Variants in MID1 observed in about 807,000 individuals in gnomAD.
The protein encoded by MID1 is midline 1, also known as E3 ubiquitin-protein ligase Midline-1.
In MID1, 7 loss-of-function variants were observed where a neutral mutation model predicts 40.4. That is an observed-to-expected ratio of 0.17 (90% confidence interval 0.10 to 0.33). The LOEUF (loss-of-function observed/expected upper bound fraction) is 0.33. Among genes scored for constraint, MID1 ranks in the 10% least tolerant of loss-of-function variants. MID1 has a pLI of 1.00. For synonymous variants in MID1, 229 were observed against 221.2 expected (o/e 1.04, Z -0.31); for missense variants, 367 against 558.5 (o/e 0.66, Z 3.46).
chrX:10,658,630 TG>T (rs1202130154), intron 1 of MID1, among the ~76,000 whole-genome samples: 2 of 109,798 alleles, frequency 1.8e-5, no homozygotes, highest in Non-Finnish European at 1.9e-5. Context: ...AAAATGCCTA[TG>T]ATAGAGGACT....
intron 1 of MID1, among the ~76,000 whole-genome samples, chrX:10,722,783 A>T (rs1229004442): frequency 8.9e-6 from 1 of 112,057 alleles, no homozygotes; most frequent in East Asian, 2.8e-4. Context: ...AATTGCTGAC[A>T]TTGGGAGCCC....
chrX:10,470,078 A>G (rs921615370), intron 6 of MID1, among the ~76,000 whole-genome samples: 12 of 112,493 alleles, frequency 1.1e-4, no homozygotes, highest in Non-Finnish European at 2.3e-4. Context: ...TGAGATCATG[A>G]GAATATGTTT....
chrX:10,613,774 C>G lies in MID1; in HGVS notation c.-57+6516G>C, dbSNP rs12009597. Among the ~76,000 whole-genome samples the G allele has an allele frequency of 3.8e-3, 249 of 66,150 alleles. 2 individuals are homozygous for G. Among genetic ancestry groups the G allele is most frequent in the African/African-American group, 0.011 (182 of 15,925 alleles). 57.4% of individuals were successfully genotyped at this position (66,150 alleles called of 115,157 possible). On this transcript the variant is annotated intron_variant, in intron 1 of 9. Coordinates refer to ENST00000317552, the MANE Select transcript of MID1 (RefSeq NM_000381.4). ...AGAGAGAGAGAGAGAGAGAGACAGA[C>G]AGACAGACAGACAGACAGAGAGAGA...
At chrX:10,561,515 T>C (rs1934338166) in intron 2 of MID1, among the ~76,000 whole-genome samples, 1 of 106,427 alleles carries the variant, frequency 9.4e-6, no homozygotes, top group Admixed American at 9.8e-5. Flanking sequence ...CTTAAACAAA[T>C]TTACAAGAAA....
At chrX:10,556,271 C>A (rs1446944559) in intron 2 of MID1, among the ~76,000 whole-genome samples, 1 of 111,182 alleles carries the variant, frequency 9.0e-6, no homozygotes, top group African/African-American at 3.3e-5. Context: ...TCTGATGGCA[C>A]CTGTGGTGCT....
chrX:10,805,914 G>A (rs1277794432), intron 1 of MID1, among the ~76,000 whole-genome samples: 1 of 109,589 alleles, frequency 9.1e-6, no homozygotes, highest in Non-Finnish European at 1.9e-5. Flanking sequence ...TTTTTGATGG[G>A]GTTGTTTGTT....
At chrX:10,714,002 G>A (rs986307715) in intron 1 of MID1, among the ~76,000 whole-genome samples, 1 of 111,571 alleles carries the variant, frequency 9.0e-6, no homozygotes, top group Non-Finnish European at 1.9e-5. Flanking sequence ...CTATGACAGC[G>A]GGACTGAGAA....
At chrX:10,480,269 G>A (rs190419625) in intron 5 of MID1, among the ~76,000 whole-genome samples, 1 of 112,373 alleles carries the variant, frequency 8.9e-6, no homozygotes, top group East Asian at 2.8e-4. Context: ...CTGAATGGGA[G>A]CAGATACGTC....
At chrX:10,668,913 C>T (rs1259384191) in intron 1 of MID1, among the ~76,000 whole-genome samples, 1 of 111,986 alleles carries the variant, frequency 8.9e-6, no homozygotes, top group Non-Finnish European at 1.9e-5. Flanking sequence ...TTTCTTGTTT[C>T]GTTAGTCTTA....
At chrX:10,531,202 T>C (rs1295203538) in intron 2 of MID1, among the ~76,000 whole-genome samples, 2 of 111,802 alleles carry the variant, frequency 1.8e-5, no homozygotes, top group Non-Finnish European at 3.8e-5. Flanking sequence ...TTAATCACAA[T>C]AGTTAATATG....
At chrX:10,807,239 T>C (rs1039381033) in intron 1 of MID1, among the ~76,000 whole-genome samples, 2 of 110,074 alleles carry the variant, frequency 1.8e-5, no homozygotes. Context: ...AGCAAGGCTC[T>C]GTTTCAAAAA....
chrX:10,684,618 C>A (rs1188673296), intron 1 of MID1, among the ~76,000 whole-genome samples: 1 of 108,161 alleles, frequency 9.2e-6, no homozygotes, highest in Non-Finnish European at 1.9e-5. Flanking sequence ...ACCATGTTTA[C>A]CAGGATGGTC....
chrX:10,494,382 T>G (rs1045496410), intron 4 of MID1, among the ~76,000 whole-genome samples: 2 of 111,811 alleles, frequency 1.8e-5, no homozygotes, highest in Non-Finnish European at 3.8e-5. Context: ...TATATATATT[T>G]TGTTTTAAAG....
At chrX:10,504,455 C>T (rs1413035354) in intron 3 of MID1, among the ~76,000 whole-genome samples, 2 of 111,381 alleles carry the variant, frequency 1.8e-5, no homozygotes, top group East Asian at 2.8e-4. Flanking sequence ...TAAATGTGAA[C>T]GATCACTATT....
chrX:10,606,385 T>C (rs190087544), intron 1 of MID1, among the ~76,000 whole-genome samples: 56 of 111,447 alleles, frequency 5.0e-4, no homozygotes, highest in African/African-American at 1.8e-3. Flanking sequence ...TTTTCTATAA[T>C]TTATATAATA....
chrX:10,758,140 TTG>T (rs1237075753), intron 1 of MID1, among the ~76,000 whole-genome samples: 62 of 104,245 alleles, frequency 5.9e-4, no homozygotes, highest in South Asian at 1.7e-3. Flanking sequence ...TTTTTTTTTT[TTG>T]TTTTGTATTT....
intron 1 of MID1, among the ~76,000 whole-genome samples, chrX:10,625,623 G>A (rs137857150): frequency 0.075 from 8,450 of 112,004 alleles, 458 homozygotes; most frequent in African/African-American, 0.19. Context: ...ATCAACTGCA[G>A]TGCTGGAAGT....
At chrX:10,577,599 C>T (rs1027907412) in intron 1 of MID1, among the ~76,000 whole-genome samples, 2 of 109,125 alleles carry the variant, frequency 1.8e-5, no homozygotes, top group Non-Finnish European at 3.8e-5. Flanking sequence ...GTTTCACATA[C>T]ACACGTATGC....
At chrX:10,696,468 C>T (rs1473923145) in intron 1 of MID1, among the ~76,000 whole-genome samples, 1 of 111,385 alleles carries the variant, frequency 9.0e-6, no homozygotes, top group Non-Finnish European at 1.9e-5. Context: ...GTGTACTTTA[C>T]TTCCTTTCAT....
Sources: gnomAD v4.1 joint callset for allele counts (sites outside exome capture counted in the v4.1 genomes callset) on GRCh38, gnomAD v4.1.1 for gene constraint, MANE v1.5 for transcripts, NCBI Gene and HGNC (gene_info 2026-07-23, HGNC 2026-07-21) for gene names.